The following PLCB4 variants were observed in gnomAD, a reference collection of about 807,000 sequenced individuals.
PLCB4 encodes the protein phospholipase C beta 4.
Under a neutral mutation model 178.8 loss-of-function variants are expected in PLCB4, and 77 were observed. That is an observed-to-expected ratio of 0.43 (90% CI 0.36 to 0.52). PLCB4 has a LOEUF of 0.52. Among genes scored for constraint, PLCB4 ranks in the 20% least tolerant of loss-of-function variants. PLCB4 has a pLI of 0.00. For synonymous variants in PLCB4, 496 were observed against 490.8 expected (o/e 1.01, Z -0.14); for missense variants, 1,024 against 1,453.4 (o/e 0.70, Z 4.80).
chr20:9,201,400 T>C (rs1029260983), intron 2 of PLCB4, among the ~76,000 whole-genome samples: 1 of 152,232 alleles, frequency 6.6e-6, no homozygotes, highest in Admixed American at 6.5e-5. Flanking sequence ...TTATTTCCTA[T>C]TGCTAAATGG....
intron 1 of PLCB4, among the ~76,000 whole-genome samples, chr20:9,070,920 A>G (rs568926650): frequency 5.3e-5 from 8 of 152,312 alleles, no homozygotes; most frequent in African/African-American, 1.9e-4. Flanking sequence ...ACTCCATTTG[A>G]TCACTGGGTG....
intron 2 of PLCB4, among the ~76,000 whole-genome samples, chr20:9,129,066 CA>C (rs1327884788): frequency 6.6e-6 from 1 of 152,154 alleles, no homozygotes; most frequent in East Asian, 1.9e-4. Context: ...GTTGATCCCT[CA>C]TCCATCAATG....
intron 3 of PLCB4, among the ~76,000 whole-genome samples, chr20:9,287,877 A>G (rs1432653055): frequency 6.6e-6 from 1 of 152,098 alleles, no homozygotes; most frequent in African/African-American, 2.4e-5. Flanking sequence ...TCTTTTCCTT[A>G]AGGCAAACAA....
At chr20:9,115,516 G>A (rs2091747594) in intron 2 of PLCB4, among the ~76,000 whole-genome samples, 1 of 149,066 alleles carries the variant, frequency 6.7e-6, no homozygotes, top group South Asian at 2.1e-4. Context: ...CCATGTTGTT[G>A]TGCTGCACCC....
intron 1 of PLCB4, among the ~76,000 whole-genome samples, chr20:9,076,981 G>A (rs1337178789): frequency 1.3e-5 from 2 of 151,740 alleles, no homozygotes; most frequent in Non-Finnish European, 2.9e-5. Flanking sequence ...AGTTTAGAAT[G>A]CCTCTTTCCC....
intron 2 of PLCB4, among the ~76,000 whole-genome samples, chr20:9,189,795 C>T (rs2093377103): frequency 6.6e-6 from 1 of 152,098 alleles, no homozygotes; most frequent in Non-Finnish European, 1.5e-5. Context: ...GGCAAAAGGA[C>T]CTGGCTAGTT....
At chr20:9,475,979 G>A (rs941696411) in intron 38 of PLCB4, among the ~76,000 whole-genome samples, 8 of 152,232 alleles carry the variant, frequency 5.3e-5, no homozygotes, top group African/African-American at 1.7e-4. Context: ...TTTTTTCTAA[G>A]CCAGAGATAA....
Position 9,231,646 on chromosome 20 carries a change from C to T in PLCB4, c.-16+14194C>T, listed in dbSNP as rs113970543. The stretch of plus-strand genomic sequence containing the variant: ...CATTTTATAGGGCAGAGAGAGGAAA[C>T]TTGTGTGTAGAGTCTGAAAATTTCA... On this transcript the variant is annotated intron_variant, in intron 3 of 39. Coordinates refer to ENST00000378473, the MANE Select transcript of PLCB4 (RefSeq NM_001377142.1). Among the ~76,000 whole-genome samples, 315 of 152,234 alleles carry T rather than the reference C, an allele frequency of 2.1e-3. 1 individual carries two copies. Among genetic ancestry groups the T allele is most frequent in the African/African-American group, 7.0e-3 (292 of 41,536 alleles).
chr20:9,071,100 C>T (rs1316496314), intron 1 of PLCB4, among the ~76,000 whole-genome samples: 1 of 152,070 alleles, frequency 6.6e-6, no homozygotes, highest in Non-Finnish European at 1.5e-5. Flanking sequence ...GTGTTTTTGC[C>T]TTATGAGATA....
intron 2 of PLCB4, among the ~76,000 whole-genome samples, chr20:9,151,022 G>C (rs1294807679): frequency 2.6e-5 from 4 of 152,078 alleles, no homozygotes; most frequent in Admixed American, 2.6e-4. Context: ...GGGTTTCCCT[G>C]AGGAAACAAT....
intron 35 of PLCB4, among the ~76,000 whole-genome samples, chr20:9,462,019 C>T (rs1226185596): frequency 6.6e-6 from 1 of 152,152 alleles, no homozygotes; most frequent in African/African-American, 2.4e-5. Context: ...CCGACAGACA[C>T]CTCATATAGG....
chr20:9,208,045 CGTATCT>C (rs989268445), intron 2 of PLCB4, among the ~76,000 whole-genome samples: 1 of 152,142 alleles, frequency 6.6e-6, no homozygotes, highest in African/African-American at 2.4e-5. Flanking sequence ...GGACATGAGC[CGTATCT>C]GTCTGAGTGC....
chr20:9,438,365 TAAAAA>T (rs778937148), intron 30 of PLCB4, among the ~76,000 whole-genome samples: 109 of 119,996 alleles, frequency 9.1e-4, no homozygotes, highest in Middle Eastern at 4.5e-3. Flanking sequence ...GACTATATCT[TAAAAA>T]AAAAAAAAAA....
chr20:9,261,051 C>A (rs1284448168), intron 3 of PLCB4, among the ~76,000 whole-genome samples: 1 of 152,058 alleles, frequency 6.6e-6, no homozygotes, highest in African/African-American at 2.4e-5. Context: ...TTCTTTATCC[C>A]ATCCTTTCAG....
chr20:9,375,779 GT>G (rs2036618428), intron 12 of PLCB4, among the ~76,000 whole-genome samples: 1 of 152,122 alleles, frequency 6.6e-6, no homozygotes, highest in South Asian at 2.1e-4. Context: ...CGGAAAAACT[GT>G]TTGAAGTAAT....
chr20:9,380,031 A>G (rs1237678956), intron 12 of PLCB4, 23 bp from the exon 13 acceptor site: 2 of 1,269,124 alleles, frequency 1.6e-6, no homozygotes, highest in South Asian at 1.3e-5. Flanking sequence ...ATCAACCTAA[A>G]TGGAGTTATT....
intron 16 of PLCB4, 103 bp downstream of exon 16, chr20:9,390,061 T>C: frequency 3.0e-6 from 2 of 668,466 alleles, no homozygotes; most frequent in South Asian, 2.0e-5. Flanking sequence ...ATAGTTTGTT[T>C]TGTGAAGTAC....
At chr20:9,367,200 G>A (rs749865963) in intron 9 of PLCB4, among the ~76,000 whole-genome samples, 1 of 152,156 alleles carries the variant, frequency 6.6e-6, no homozygotes, top group East Asian at 1.9e-4. Flanking sequence ...ACGACCTAAA[G>A]TATCCATGTG....
rs574133705 is a variant in PLCB4, at chr20:9,200,049, C to G, written c.-78-17341C>G. 9.6e-4 allele frequency among the ~76,000 whole-genome samples: 140 copies of G among 145,448 alleles called. No individual in the cohort carries two copies. The Middle Eastern group carries it at 0.017, about 18-fold the overall frequency. ...GATCTTTACTCAGAATTCTCAATGA[C>G]TTTCCCTCTGTGATAGCAGCAGATG... On this transcript the variant is annotated intron_variant, in intron 2 of 39. Coordinates refer to ENST00000378473, the MANE Select transcript of PLCB4 (RefSeq NM_001377142.1).
Sources: gnomAD v4.1 joint callset for allele counts (sites outside exome capture counted in the v4.1 genomes callset) on GRCh38, gnomAD v4.1.1 for gene constraint, MANE v1.5 for transcripts, NCBI Gene and HGNC (gene_info 2026-07-23, HGNC 2026-07-21) for gene names.